TTC9: variants seen among roughly 807,000 people sequenced by gnomAD.
The protein encoded by TTC9 is tetratricopeptide repeat domain 9, also known as tetratricopeptide repeat protein 9A.
A neutral mutation model predicts 22.9 loss-of-function variants in TTC9; 13 were observed. The observed-to-expected ratio is 0.57, with a 90% CI of 0.37 to 0.90. The LOEUF is 0.90. Ranked by LOEUF, TTC9 falls within the 40% of genes least tolerant of loss-of-function variation. The pLI is 0.01. For missense variants in TTC9, 280 were observed against 291.8 expected (o/e 0.96, Z 0.29); for synonymous variants, 148 against 133.2 (o/e 1.11, Z -0.77).
At chr14:70,654,241 C>CCCCTCAT (rs1886026195) in intron 1 of TTC9, among the ~76,000 whole-genome samples, 1 of 152,076 alleles carries the variant, frequency 6.6e-6, no homozygotes, top group Non-Finnish European at 1.5e-5. Flanking sequence ...AGTTCCTCTT[C>CCCCTCAT]CCCTCATCCC....
intron 2 of TTC9, 126 bp downstream of exon 2, chr14:70,667,872 G>A (rs979332387): frequency 1.1e-6 from 1 of 893,864 alleles, no homozygotes; most frequent in Non-Finnish European, 1.7e-6. Context: ...TTAGGGATCA[G>A]ATATATATGA....
At chr14:70,652,857 C>T (rs1244269945) in intron 1 of TTC9, among the ~76,000 whole-genome samples, 1 of 152,190 alleles carries the variant, frequency 6.6e-6, no homozygotes, top group Non-Finnish European at 1.5e-5. Context: ...GATGCCTATA[C>T]AGAGAGGGGG....
intron 1 of TTC9, among the ~76,000 whole-genome samples, chr14:70,649,840 A>T (rs1013980902): frequency 6.6e-6 from 1 of 152,090 alleles, no homozygotes; most frequent in Non-Finnish European, 1.5e-5. Flanking sequence ...TAGGACTTCC[A>T]TTCCATGGCC....
rs1405136773 is a variant in TTC9 at position 70,642,489 on chromosome 14, CAA to C, written c.361_362del (p.Lys121AspfsTer21). ...CCGGCCGCCTCTCGGAGGAGCAGAG[CAA>C]GACGGTGGAAGCCATCGAGATCGAC... ...KPGRLSEEQSKTVEAIEIDCY... is the reference protein window; with the variant it reads ...KPGRLSEEQSXTVEAIEIDCY... On this transcript the variant is annotated frameshift_variant, in exon 1 of 3. Transcript: ENST00000256367. LOFTEE classifies it high-confidence loss of function. 4 of 1,548,136 alleles carry C rather than the reference CAA, an allele frequency of 2.6e-6. No individual in the cohort carries two copies. The highest frequency in any genetic ancestry group is 1.4e-5 in the African/African-American group (1 of 72,184).
At chr14:70,669,158 AAAAT>A (rs1486440349) in intron 2 of TTC9, among the ~76,000 whole-genome samples, 2 of 152,292 alleles carry the variant, frequency 1.3e-5, no homozygotes, top group East Asian at 3.9e-4. Flanking sequence ...TGTCTCAAAA[AAAAT>A]AAAAAAGAGT....
In TTC9 at chr14:70,642,109, A is replaced by T; in HGVS notation, c.-21A>T. ...CGGCGGGCAGATCGCGGCGCGCACC[A>T]GGCGCCGGGGCGGCGGCCGAATGGA... On this transcript the variant is annotated 5_prime_UTR_variant, in exon 1 of 3. Transcript: ENST00000256367. The T allele has an allele frequency of 1.8e-6, 2 of 1,092,968 alleles. No individual in the cohort carries two copies. Among genetic ancestry groups the T allele is most frequent in the Non-Finnish European group, 2.2e-6 (2 of 900,350 alleles). 67.7% of individuals were successfully genotyped at this position (1,092,968 alleles called of 1,614,324 possible).
intron 1 of TTC9, among the ~76,000 whole-genome samples, chr14:70,651,364 C>CAG (rs143604485): frequency 6.6e-6 from 1 of 152,132 alleles, no homozygotes; most frequent in African/African-American, 2.4e-5. Context: ...AAAATGATGA[C>CAG]ATGGGTTATC....
At chr14:70,659,145 C>CAT (rs1886110305) in intron 1 of TTC9, among the ~76,000 whole-genome samples, 2 of 151,840 alleles carry the variant, frequency 1.3e-5, no homozygotes, top group Non-Finnish European at 2.9e-5. Context: ...CACACACACA[C>CAT]ACACACACAC....
chr14:70,645,868 GC>G (rs1212757788), intron 1 of TTC9, among the ~76,000 whole-genome samples: 1 of 152,190 alleles, frequency 6.6e-6, no homozygotes, highest in Non-Finnish European at 1.5e-5. Context: ...TGGACTACTA[GC>G]CCAGAAGTAC....
intron 1 of TTC9, among the ~76,000 whole-genome samples, chr14:70,662,550 A>G (rs886139701): frequency 1.3e-5 from 2 of 152,268 alleles, no homozygotes; most frequent in Admixed American, 1.3e-4. Flanking sequence ...GGAGAAAGGA[A>G]ATCCTTTTGA....
chr14:70,658,015 TC>T (rs1886090840), intron 1 of TTC9, among the ~76,000 whole-genome samples: 3 of 152,282 alleles, frequency 2.0e-5, no homozygotes, highest in South Asian at 2.1e-4. Flanking sequence ...GGGTGCTAAC[TC>T]TCTGAGCCAG....
At chr14:70,658,774 A>G (rs1886100778) in intron 1 of TTC9, among the ~76,000 whole-genome samples, 1 of 152,208 alleles carries the variant, frequency 6.6e-6, no homozygotes, top group Admixed American at 6.5e-5. Flanking sequence ...TATCAACTTT[A>G]TTCGTAATAA....
At chr14:70,655,244 A>G (rs764411591) in intron 1 of TTC9, among the ~76,000 whole-genome samples, 3 of 152,138 alleles carry the variant, frequency 2.0e-5, no homozygotes, top group Non-Finnish European at 4.4e-5. Context: ...AAATACAAAA[A>G]TTAGCCAGGC....
chr14:70,665,727 T>C (rs1886206550), intron 1 of TTC9, among the ~76,000 whole-genome samples: 2 of 152,164 alleles, frequency 1.3e-5, no homozygotes, highest in Admixed American at 6.5e-5. Context: ...TTTTTGGTCC[T>C]AAATGCTCAA....
intron 2 of TTC9, among the ~76,000 whole-genome samples, chr14:70,668,876 G>C (rs1213426912): frequency 2.7e-5 from 4 of 150,238 alleles, no homozygotes; most frequent in Non-Finnish European, 5.9e-5. Context: ...AAGGAGTAAG[G>C]CTGGGCGCGG....
chr14:70,642,003 T>A lies in TTC9; in HGVS notation c.-127T>A. 1.7e-6 allele frequency: 1 copy of A among 582,274 alleles called. No individual in the cohort carries two copies. Among genetic ancestry groups the A allele is most frequent in the Non-Finnish European group, 2.2e-6 (1 of 459,212 alleles). 36.1% of individuals were successfully genotyped at this position (582,274 alleles called of 1,614,324 possible). A position where few individuals can be genotyped will look rare whatever the true frequency, so the allele number is the denominator to read the frequency against. On this transcript the variant is annotated 5_prime_UTR_variant, in exon 1 of 3. Coordinates refer to ENST00000256367, the MANE Select transcript of TTC9 (RefSeq NM_015351.2). The stretch of plus-strand genomic sequence containing the variant: ...CGGGGCGCCAGACCGCCGCGGGGTG[T>A]CACGGCCGCCACGAAGCCTGCGAGG...
At position 70,667,739 on chromosome 14, in the gene TTC9, A is replaced by G. The variant is rs376897977; in HGVS notation, c.582A>G (p.Gln194=). ...ACCTGAAAGAAGCAAGGACCCAACA[A>G]CCAACAGGTAAGGCGGAAATAGCTG... The part of the protein sequence containing the change: ...LYYLKEARTQ[Q]PTDTNVIRYI... Residue 194 remains glutamine, a synonymous_variant, in exon 2 of 3, where the codon CAA becomes CAG. Coordinates refer to ENST00000256367, the MANE Select transcript of TTC9 (RefSeq NM_015351.2). 49 of 1,595,842 alleles carry G rather than the reference A, an allele frequency of 3.1e-5. No homozygotes were observed. In the East Asian group the frequency reaches 7.7e-4, roughly 25 times the overall value.
chr14:70,669,325 G>A (rs1886258995), intron 2 of TTC9, among the ~76,000 whole-genome samples: 1 of 151,972 alleles, frequency 6.6e-6, no homozygotes, highest in African/African-American at 2.4e-5. Context: ...TGTCGCCCAG[G>A]CTGGAGTGCA....
chr14:70,656,732 A>G (rs1443184914), intron 1 of TTC9, among the ~76,000 whole-genome samples: 2 of 152,234 alleles, frequency 1.3e-5, no homozygotes, highest in Admixed American at 1.3e-4. Flanking sequence ...TGAGAAGGAA[A>G]AGATAATATG....
Sources: gnomAD v4.1 joint callset for allele counts (sites outside exome capture counted in the v4.1 genomes callset) on GRCh38, gnomAD v4.1.1 for gene constraint, MANE v1.5 for transcripts, NCBI Gene and HGNC (gene_info 2026-07-23, HGNC 2026-07-21) for gene names.